The following THSD4 variants were observed in gnomAD, a reference collection of about 807,000 sequenced individuals.
The protein encoded by THSD4 is thrombospondin type-1 domain-containing protein 4.
THSD4 carries 69 observed loss-of-function variants against 119.0 expected under a neutral mutation model. That is an observed-to-expected ratio of 0.58 (90% CI 0.48 to 0.71). The LOEUF (loss-of-function observed/expected upper bound fraction) is 0.71, where lower values mean the gene tolerates loss of function less well. THSD4 is among the 30% of genes least tolerant of loss of function. THSD4 has a pLI of 0.00. For synonymous variants in THSD4, 524 were observed against 540.4 expected (o/e 0.97, Z 0.42); for missense variants, 1,393 against 1,391.1 (o/e 1.00, Z -0.02).
intron 15 of THSD4, among the ~76,000 whole-genome samples, chr15:71,762,278 C>T (rs953026044): frequency 2.6e-5 from 4 of 152,154 alleles, no homozygotes; most frequent in Admixed American, 6.5e-5. Context: ...CTGAGACGGG[C>T]TCATTCTCCC....
At chr15:71,545,275 T>C (rs1406944038) in intron 7 of THSD4, among the ~76,000 whole-genome samples, 1 of 152,208 alleles carries the variant, frequency 6.6e-6, no homozygotes, top group Non-Finnish European at 1.5e-5. Flanking sequence ...ATTGGTGACC[T>C]TTCCAGAGCC....
intron 6 of THSD4, among the ~76,000 whole-genome samples, chr15:71,369,117 T>C (rs2046008045): frequency 1.3e-5 from 2 of 152,344 alleles, no homozygotes; most frequent in East Asian, 3.9e-4. Context: ...CTTGTGATTT[T>C]TGCACATTGA....
chr15:71,378,485 G>A (rs901107656), intron 6 of THSD4, among the ~76,000 whole-genome samples: 1 of 152,194 alleles, frequency 6.6e-6, no homozygotes, highest in African/African-American at 2.4e-5. Flanking sequence ...GAAGACCTCT[G>A]TCTAGGCTAT....
At chr15:71,483,635 G>A (rs752535615) in intron 7 of THSD4, among the ~76,000 whole-genome samples, 1 of 151,852 alleles carries the variant, frequency 6.6e-6, no homozygotes, top group Non-Finnish European at 1.5e-5. Context: ...GGATGTGCAG[G>A]TTTGTTACAT....
rs74021993 is a variant in THSD4, at chr15:71,426,800, A to G, written c.1152+14977A>G. On this transcript the variant is annotated intron_variant, in intron 7 of 17. Coordinates refer to ENST00000261862, the MANE Select transcript of THSD4 (RefSeq NM_024817.3). ...CATATTATGTTATAGTTATTTTGAC[A>G]TGTGTCTTAGCTCCTAAAGGAGAGA... is the stretch of plus-strand genomic sequence containing the variant. 4.9e-3 allele frequency among the ~76,000 whole-genome samples: 748 copies of G among 152,236 alleles called. 10 individuals are homozygous for G. Among genetic ancestry groups the G allele is most frequent in the African/African-American group, 0.017 (713 of 41,538 alleles).
chr15:71,777,798 C>G lies in THSD4; in HGVS notation c.*424C>G, dbSNP rs1457167937. ...TGGAGAGTCCAAGGAGGCAGCGCCC[C>G]CAACCCAGCGCCCCACTAAGCCTTG... On this transcript the variant is annotated 3_prime_UTR_variant, in exon 18 of 18. Coordinates refer to ENST00000261862, the MANE Select transcript of THSD4 (RefSeq NM_024817.3). 2 of 193,032 alleles carry G rather than the reference C, an allele frequency of 1.0e-5. No homozygotes were observed. Among genetic ancestry groups the G allele is most frequent in the South Asian group, 1.2e-4 (1 of 8,412 alleles). The allele number at this position is 193,032 out of a possible 1,614,324, so 12.0% of individuals were successfully genotyped here. A position where few individuals can be genotyped will look rare whatever the true frequency, so the allele number is the denominator to read the frequency against.
At chr15:71,607,484 C>T (rs1006148929) in intron 7 of THSD4, among the ~76,000 whole-genome samples, 25 of 152,176 alleles carry the variant, frequency 1.6e-4, no homozygotes, top group African/African-American at 6.0e-4. Context: ...GGTATGTTGT[C>T]CACACTTGAA....
In THSD4 at chr15:71,783,147, C is replaced by T. The variant is rs2054022663; in HGVS notation, c.*5773C>T. ...CTACAGTGTTAAATTATTACATAAG[C>T]AGGTGAAAGGTAGAAGGCGAATTAT... On this transcript the variant is annotated 3_prime_UTR_variant, in exon 18 of 18. Coordinates refer to ENST00000261862, the MANE Select transcript of THSD4 (RefSeq NM_024817.3). 1 of 152,194 alleles carries T rather than the reference C, an allele frequency of 6.6e-6. No individual in the cohort carries two copies. Among genetic ancestry groups the T allele is most frequent in the Admixed American group, 6.5e-5 (1 of 15,274 alleles). 9.4% of individuals were successfully genotyped at this position (152,194 alleles called of 1,614,324 possible).
At chr15:71,765,292 C>G in intron 16 of THSD4, 93 bp downstream of exon 16, 4 of 1,417,956 alleles carry the variant, frequency 2.8e-6, no homozygotes, top group Non-Finnish European at 3.8e-6. Flanking sequence ...CTGGGTTCAG[C>G]CCTGAAAGAG....
chr15:71,206,890 G>A (rs1055383265), intron 3 of THSD4, among the ~76,000 whole-genome samples: 3 of 152,060 alleles, frequency 2.0e-5, no homozygotes, highest in South Asian at 2.1e-4. Flanking sequence ...TTTAAATTAC[G>A]AGAAAACTTA....
intron 7 of THSD4, among the ~76,000 whole-genome samples, chr15:71,501,906 C>T (rs2048118062): frequency 6.6e-6 from 1 of 152,144 alleles, no homozygotes; most frequent in Non-Finnish European, 1.5e-5. Context: ...GTGCATGTTA[C>T]ATAATTTCTG....
intron 7 of THSD4, among the ~76,000 whole-genome samples, chr15:71,633,361 G>A (rs550231449): frequency 2.0e-4 from 28 of 136,836 alleles, no homozygotes; most frequent in Admixed American, 9.2e-4. Context: ...CTGCAGCCTC[G>A]ACCTACTGGG....
intron 10 of THSD4, chr15:71,731,580 A>G (rs941011129): frequency 4.2e-6 from 1 of 240,232 alleles, no homozygotes; most frequent in African/African-American, 2.2e-5. Context: ...GAGGTTCAAG[A>G]CCAGCCTGTG....
At chr15:71,165,308 G>A (rs2043285115) in intron 3 of THSD4, 2 of 1,587,266 alleles carry the variant, frequency 1.3e-6, no homozygotes, top group African/African-American at 2.7e-5. Context: ...CTCTTGAGAA[G>A]TTGACTGAAG....
chr15:71,664,458 TA>T (rs1331438709), intron 8 of THSD4, among the ~76,000 whole-genome samples: 1 of 127,142 alleles, frequency 7.9e-6, no homozygotes, highest in Non-Finnish European at 1.7e-5. Flanking sequence ...GGCAGACTTG[TA>T]TTTATTAATG....
chr15:71,771,772 C>G (rs1368083902), intron 17 of THSD4, among the ~76,000 whole-genome samples: 1 of 152,146 alleles, frequency 6.6e-6, no homozygotes, highest in Non-Finnish European at 1.5e-5. Context: ...AGCAGTCTTG[C>G]AATTCAGAAG....
At chr15:71,691,094 G>T (rs1434128384) in intron 8 of THSD4, among the ~76,000 whole-genome samples, 2 of 152,162 alleles carry the variant, frequency 1.3e-5, no homozygotes, top group Non-Finnish European at 2.9e-5. Flanking sequence ...GATTTGAAGA[G>T]GCTGAACTGC....
chr15:71,455,238 G>A (rs556541611), intron 7 of THSD4, among the ~76,000 whole-genome samples: 3 of 152,296 alleles, frequency 2.0e-5, no homozygotes, highest in Admixed American at 2.0e-4. Context: ...GCCCCTTGAG[G>A]CTAGAAGGTT....
At chr15:71,529,227 C>A (rs533283383) in intron 7 of THSD4, among the ~76,000 whole-genome samples, 12 of 152,178 alleles carry the variant, frequency 7.9e-5, no homozygotes, top group Non-Finnish European at 1.6e-4. Flanking sequence ...CTGAGTTTTA[C>A]CCTAGCAAGA....
Sources: allele counts gnomAD v4.1 joint callset (sites outside exome capture counted in the v4.1 genomes callset), GRCh38; gene constraint gnomAD v4.1.1; transcripts MANE v1.5; gene names NCBI Gene and HGNC (gene_info 2026-07-23, HGNC 2026-07-21).